The following SF3B1 variants were observed in gnomAD, a reference collection of about 807,000 sequenced individuals.
SF3B1 encodes the protein splicing factor 3b subunit 1, also known as pre-mRNA processing 10.
A neutral mutation model predicts 153.8 loss-of-function variants in SF3B1; 12 were observed. The observed-to-expected ratio is 0.08, with a 90% CI of 0.05 to 0.13. The LOEUF (loss-of-function observed/expected upper bound fraction) is 0.13. SF3B1 is among the 10% of genes least tolerant of loss of function. SF3B1 has a pLI of 1.00. For synonymous variants in SF3B1, 498 were observed against 525.2 expected (o/e 0.95, Z 0.71); for missense variants, 513 against 1,606.1 (o/e 0.32, Z 11.63).
At chr2:197,425,105 G>A (rs139218059) in intron 1 of SF3B1, among the ~76,000 whole-genome samples, 147 of 152,204 alleles carry the variant, frequency 9.7e-4, no homozygotes, top group African/African-American at 3.3e-3. Context: ...GCAGTGAGCC[G>A]AGATCACGTG....
rs539558375 is a variant in SF3B1 at position 197,402,323 on chromosome 2, T to C, written c.2078-193A>G. 32 of 727,286 alleles carry C rather than the reference T, an allele frequency of 4.4e-5. No individual in the cohort carries two copies. The highest frequency in any genetic ancestry group is 7.1e-5 in the African/African-American group (4 of 56,064). The allele number at this position is 727,286 out of a possible 1,614,324, so 45.1% of individuals were successfully genotyped here. A position where few individuals can be genotyped will look rare whatever the true frequency, so the allele number is the denominator to read the frequency against. Reference sequence around the variant, plus strand: ...TATAACAAACCCATCATAAAATCTATAGTTTGTAGAGCTATGCCTTTCCAT... The same window carrying C: ...TATAACAAACCCATCATAAAATCTACAGTTTGTAGAGCTATGCCTTTCCAT... On this transcript the variant is annotated intron_variant, in intron 14 of 24. Transcript: ENST00000335508. This position sits in a 1 kb window ranked among gnomAD's most constrained non-coding sequence, Gnocchi z 4.6.
Position 197,402,205 on chromosome 2 carries a change from A to G in SF3B1, c.2078-75T>C. 6.6e-7 allele frequency: 1 copy of G among 1,515,006 alleles called. No individual in the cohort carries two copies. Among genetic ancestry groups the G allele is most frequent in the Non-Finnish European group, 8.9e-7 (1 of 1,126,760 alleles). 93.8% of individuals were successfully genotyped at this position (1,515,006 alleles called of 1,614,324 possible). A position where few individuals can be genotyped will look rare whatever the true frequency, so the allele number is the denominator to read the frequency against. On this transcript the variant is annotated intron_variant, in intron 14 of 24. Coordinates refer to ENST00000335508, the MANE Select transcript of SF3B1 (RefSeq NM_012433.4). The surrounding 1 kb of genome is among the most constrained non-coding windows in gnomAD (Gnocchi z 4.6). ...ACACAATATCATCCAGATTCTCTCAATATATCAACTATTCAGCCAAACTGC... is the reference window on the plus strand; with the variant it reads ...ACACAATATCATCCAGATTCTCTCAGTATATCAACTATTCAGCCAAACTGC...
At chr2:197,424,041 C>T (rs1370205164) in intron 1 of SF3B1, 67 bp from the exon 2 acceptor site, 2 of 1,291,478 alleles carry the variant, frequency 1.5e-6, no homozygotes, top group Non-Finnish European at 2.2e-6. Flanking sequence ...CAATGCATTT[C>T]TTTACTAGGT....
chr2:197,402,261 A>T lies in SF3B1; in HGVS notation c.2078-131T>A. The T allele has an allele frequency of 9.3e-7, 1 of 1,071,416 alleles. No individual in the cohort carries two copies. The highest frequency in any genetic ancestry group is 1.3e-6 in the Non-Finnish European group (1 of 756,004). 66.4% of individuals were successfully genotyped at this position (1,071,416 alleles called of 1,614,324 possible). A position where few individuals can be genotyped will look rare whatever the true frequency, so the allele number is the denominator to read the frequency against. On this transcript the variant is annotated intron_variant, in intron 14 of 24. Transcript: ENST00000335508. This position sits in a 1 kb window ranked among gnomAD's most constrained non-coding sequence, Gnocchi z 4.6. ...ATGTTCACATTAAACAAAATTAGGT[A>T]AAAGCAAAACATGAACCATAGCCTG...
intron 8 of SF3B1, 93 bp downstream of exon 8, chr2:197,408,276 A>C: frequency 1.5e-6 from 2 of 1,332,878 alleles, no homozygotes; most frequent in Non-Finnish European, 2.1e-6. Context: ...TTCTTACTAG[A>C]AGTTGACATT....
At position 197,415,200 on chromosome 2, in the gene SF3B1, G is replaced by A. The variant is rs2085129240; in HGVS notation, c.666+1541C>T. On this transcript the variant is annotated intron_variant, in intron 6 of 24. Transcript: ENST00000335508. ...GAAAAAAATTAATGGTACATGATGA[G>A]AGTCTCCAAGAGGGGAAGGGAAATG... Among the ~76,000 whole-genome samples, 3 of 149,920 alleles carry A rather than the reference G, an allele frequency of 2.0e-5. No homozygotes were observed. In the Admixed American group the frequency reaches 2.0e-4, roughly 10 times the overall value.
chr2:197,426,490 T>G (rs537117410), intron 1 of SF3B1, among the ~76,000 whole-genome samples: 1 of 152,106 alleles, frequency 6.6e-6, no homozygotes, highest in African/African-American at 2.4e-5. Flanking sequence ...CACAGGTGCA[T>G]TTATCACTTT....
chr2:197,398,364 A>T (rs2105979632), intron 21 of SF3B1, 97 bp downstream of exon 21: 1 of 1,271,970 alleles, frequency 7.9e-7, no homozygotes, highest in East Asian at 2.3e-5. Flanking sequence ...TTTTACACTT[A>T]TATTAGTGAC....
intron 22 of SF3B1, among the ~76,000 whole-genome samples, chr2:197,397,266 C>A (rs566138275): frequency 3.9e-5 from 6 of 151,994 alleles, no homozygotes; most frequent in Non-Finnish European, 8.8e-5. Context: ...CTCACTGTAA[C>A]CTTGAACTCC....
chr2:197,392,548 A>ACTATATCTTAT, intron 24 of SF3B1, 87 bp from the exon 25 acceptor site: 1 of 330,488 alleles, frequency 3.0e-6, no homozygotes, highest in Non-Finnish European at 5.1e-6. Flanking sequence ...GATATGATTC[A>ACTATATCTTAT]AAATTATTTC....
chr2:197,413,655 G>C (rs553111705), intron 6 of SF3B1, among the ~76,000 whole-genome samples: 16 of 152,224 alleles, frequency 1.1e-4, no homozygotes, highest in Non-Finnish European at 2.2e-4. Context: ...ATTTAGACTA[G>C]GATGGTAGAG....
At position 197,416,831 on chromosome 2, in the gene SF3B1, A is replaced by T. The variant is rs1247678599; in HGVS notation, c.576T>A (p.Pro192=). ...CCCAACGCCGTTTTCGTTTTGATGG[A>T]GGCTGGGACGCTGCTGCTCCATTGA... The part of the protein sequence containing the change: ...KVVNGAAASQ[P]PSKRKRRWDQ... Residue 192 remains proline, a synonymous_variant, in exon 6 of 25, where the codon CCT becomes CCA. Coordinates refer to ENST00000335508, the MANE Select transcript of SF3B1 (RefSeq NM_012433.4). The T allele has an allele frequency of 6.2e-7, 1 of 1,614,116 alleles. No homozygotes were observed. Among genetic ancestry groups the T allele is most frequent in the Non-Finnish European group, 8.5e-7 (1 of 1,180,004 alleles).
intron 20 of SF3B1, chr2:197,399,064 G>T (rs1363402916): frequency 7.7e-7 from 1 of 1,300,170 alleles, no homozygotes; most frequent in East Asian, 5.6e-5. Context: ...AAAGGAGGCA[G>T]CTGGCAGGGG....
intron 21 of SF3B1, 59 bp downstream of exon 21, chr2:197,398,402 A>T: frequency 6.3e-7 from 1 of 1,596,168 alleles, no homozygotes; most frequent in Non-Finnish European, 8.6e-7. Flanking sequence ...AATTGAATAC[A>T]AAGTGGCCAA....
chr2:197,400,579 A>G lies in SF3B1; in HGVS notation c.2718+136T>C, dbSNP rs1428809659. 3.0e-6 allele frequency: 3 copies of G among 998,532 alleles called. No homozygotes were observed. The highest frequency in any genetic ancestry group is 4.4e-6 in the Non-Finnish European group (3 of 686,354). The allele number at this position is 998,532 out of a possible 1,614,324, so 61.9% of individuals were successfully genotyped here. ...ATCTTAAAACTTGAGGTAGAATAAT[A>G]TCGTTTGGTAACCCCCTGAGCATTT... On this transcript the variant is annotated intron_variant, in intron 18 of 24. Coordinates refer to ENST00000335508, the MANE Select transcript of SF3B1 (RefSeq NM_012433.4). This position sits in a 1 kb window ranked among gnomAD's most constrained non-coding sequence, Gnocchi z 5.0.
chr2:197,405,085 T>C lies in SF3B1; in HGVS notation c.1530A>G (p.Pro510=). 1.3e-6 allele frequency: 2 copies of C among 1,591,452 alleles called. No homozygotes were observed. The highest frequency in any genetic ancestry group is 1.7e-6 in the Non-Finnish European group (2 of 1,162,824). The change falls in exon 11 of 25, where the codon CCA becomes CCG. Residue 510 remains proline, a synonymous_variant. Transcript: ENST00000335508. ...ACAAACTGGGACTTACCTTTCTCATTGGTGGTGTTCCATTCTTAATTTTTA... is the reference window on the plus strand; with the variant it reads ...ACAAACTGGGACTTACCTTTCTCATCGGTGGTGTTCCATTCTTAATTTTTA... ...LLLKIKNGTP[P]MRKAALRQIT...
At chr2:197,422,353 C>A (rs1267254767) in intron 2 of SF3B1, among the ~76,000 whole-genome samples, 1 of 145,460 alleles carries the variant, frequency 6.9e-6, no homozygotes, top group Non-Finnish European at 1.5e-5. Flanking sequence ...GGGAACTGAA[C>A]AATAAGAACA....
At chr2:197,403,833 C>G in intron 11 of SF3B1, 69 bp from the exon 12 acceptor site, 1 of 1,157,470 alleles carries the variant, frequency 8.6e-7, no homozygotes, top group Non-Finnish European at 1.2e-6. Flanking sequence ...GCAAATTACT[C>G]AAAGAAGATT....
At chr2:197,393,581 T>C (rs896579006) in intron 23 of SF3B1, among the ~76,000 whole-genome samples, 1 of 151,718 alleles carries the variant, frequency 6.6e-6, no homozygotes, top group African/African-American at 2.4e-5. Flanking sequence ...GCCTCCTGAG[T>C]AGCTGGAATT....
Sources: allele counts gnomAD v4.1 joint callset (sites outside exome capture counted in the v4.1 genomes callset), GRCh38; gene constraint gnomAD v4.1.1; non-coding constraint Gnocchi (gnomAD v3.1); transcripts MANE v1.5; gene names NCBI Gene and HGNC (gene_info 2026-07-23, HGNC 2026-07-21).